Variants in SERPINE2 observed in about 807,000 individuals in gnomAD.
The protein encoded by SERPINE2 is serpin family E member 2.
SERPINE2 carries 14 observed loss-of-function variants against 36.3 expected under a neutral mutation model. That is an observed-to-expected ratio of 0.39 (90% CI 0.25 to 0.60). The LOEUF is 0.60. Ranked by LOEUF, SERPINE2 falls within the 20% of genes least tolerant of loss-of-function variation. SERPINE2 has a pLI of 0.57. For synonymous variants in SERPINE2, 192 were observed against 191.8 expected (o/e 1.00, Z -0.01); for missense variants, 418 against 499.6 (o/e 0.84, Z 1.56).
chr2:223,995,572 C>T (rs994595624), intron 3 of SERPINE2, among the ~76,000 whole-genome samples: 50 of 152,336 alleles, frequency 3.3e-4, no homozygotes, highest in African/African-American at 1.1e-3. Context: ...CCCAGAACCT[C>T]GTTCTTTTTC....
intron 3 of SERPINE2, among the ~76,000 whole-genome samples, chr2:223,996,192 T>C (rs1453268544): frequency 2.0e-5 from 3 of 152,122 alleles, no homozygotes; most frequent in Non-Finnish European, 4.4e-5. Flanking sequence ...TGGTTTAATA[T>C]TGCCATTCTA....
chr2:223,976,315 CA>C (rs1016561722), intron 8 of SERPINE2, among the ~76,000 whole-genome samples: 6 of 152,112 alleles, frequency 3.9e-5, no homozygotes, highest in Admixed American at 3.3e-4. Flanking sequence ...CACTGCCAGC[CA>C]ATTTTTTGTA....
intron 4 of SERPINE2, among the ~76,000 whole-genome samples, chr2:223,985,312 T>G (rs567607566): frequency 6.6e-6 from 1 of 152,278 alleles, no homozygotes; most frequent in East Asian, 1.9e-4. Context: ...TTTTTTTTTT[T>G]TTTTAAATAA....
intron 3 of SERPINE2, among the ~76,000 whole-genome samples, chr2:223,995,793 G>A (rs895603273): frequency 3.9e-5 from 6 of 152,204 alleles, no homozygotes; most frequent in Admixed American, 1.3e-4. Flanking sequence ...ATGTTTATGA[G>A]TCACCAGGAC....
At chr2:223,996,009 ATG>A (rs1308543430) in intron 3 of SERPINE2, among the ~76,000 whole-genome samples, 1 of 152,218 alleles carries the variant, frequency 6.6e-6, no homozygotes, top group African/African-American at 2.4e-5. Context: ...GAGTAATATG[ATG>A]TATGAATTTC....
intron 1 of SERPINE2, chr2:224,031,411 A>G: frequency 2.0e-6 from 2 of 985,322 alleles, no homozygotes; most frequent in Non-Finnish European, 2.4e-6. Context: ...GGAAAACAGA[A>G]AGAAAGGCAG....
rs115534825 is a variant in SERPINE2, at chr2:224,012,319, C to T, written c.-22-10397G>A. 6.0e-3 allele frequency among the ~76,000 whole-genome samples: 918 copies of T among 152,230 alleles called. 8 individuals are homozygous for T. The highest frequency in any genetic ancestry group is 0.021 in the African/African-American group (864 of 41,538). ...TAAGGAACAGTTAATGACATCCATCCAACACAATATCCTTTGGCTGTTAAG... is the reference window on the plus strand; with the variant it reads ...TAAGGAACAGTTAATGACATCCATCTAACACAATATCCTTTGGCTGTTAAG... On this transcript the variant is annotated intron_variant, in intron 1 of 8. Coordinates refer to ENST00000409304, the MANE Select transcript of SERPINE2 (RefSeq NM_001136528.2).
chr2:223,996,148 G>A (rs1436787205), intron 3 of SERPINE2, among the ~76,000 whole-genome samples: 2 of 152,132 alleles, frequency 1.3e-5, no homozygotes, highest in East Asian at 3.9e-4. Context: ...TTTTCTCCAG[G>A]TGCTCTGAAG....
chr2:224,038,525 T>C (rs1201265872), intron 1 of SERPINE2: 2 of 1,551,334 alleles, frequency 1.3e-6, no homozygotes, highest in Non-Finnish European at 1.7e-6. Flanking sequence ...CTCCCGTTTC[T>C]ACAGATGATG....
At chr2:223,985,367 A>G (rs1690386814) in intron 4 of SERPINE2, among the ~76,000 whole-genome samples, 1 of 151,592 alleles carries the variant, frequency 6.6e-6, no homozygotes, top group South Asian at 2.1e-4. Context: ...GTTATGGGAT[A>G]CATATAGATA....
At chr2:223,987,520 G>GTAT (rs1361881372) in intron 4 of SERPINE2, among the ~76,000 whole-genome samples, 8 of 152,156 alleles carry the variant, frequency 5.3e-5, no homozygotes, top group Non-Finnish European at 8.8e-5. Flanking sequence ...GGCAGACTGA[G>GTAT]TATTCTTTAA....
At position 223,998,346 on chromosome 2, in the gene SERPINE2, A is replaced by C. The variant is rs372326558; in HGVS notation, c.260-4T>G. 1.1e-5 allele frequency: 17 copies of C among 1,600,350 alleles called. No homozygotes were observed. The African/African-American group carries it at 1.7e-4, about 16-fold the overall frequency. On this transcript the variant is annotated splice_region_variant and splice_polypyrimidine_tract_variant and intron_variant, in intron 2 of 8. Coordinates refer to ENST00000409304, the MANE Select transcript of SERPINE2 (RefSeq NM_001136528.2). ...TTCTTTAATATTTTACCAACTCCTA[A>C]AAGAGAAATCAGAAGATACAGCAAT...
chr2:224,017,842 TGG>T lies in SERPINE2; in HGVS notation c.-22-15922_-22-15921del, dbSNP rs546670635. On this transcript the variant is annotated intron_variant, in intron 1 of 8. Transcript: ENST00000409304. Reference sequence around the variant, plus strand: ...ATTTACCACCATCATCACGAAGGCCTGGGGTCCTCTCTTCAGGCTTTGAAGGC... The same window carrying T: ...ATTTACCACCATCATCACGAAGGCCTGGTCCTCTCTTCAGGCTTTGAAGGC... Among the ~76,000 whole-genome samples, 49 of 152,338 alleles carry T rather than the reference TGG, an allele frequency of 3.2e-4. No individual in the cohort carries two copies. In the South Asian group the frequency reaches 6.2e-3, roughly 19 times the overall value.
intron 4 of SERPINE2, among the ~76,000 whole-genome samples, chr2:223,991,095 A>T (rs1407957799): frequency 1.3e-5 from 2 of 152,248 alleles, no homozygotes; most frequent in African/African-American, 4.8e-5. Context: ...AAAGAATTTT[A>T]CATAAGCGAG....
chr2:224,030,306 A>G, intron 1 of SERPINE2: 1 of 817,660 alleles, frequency 1.2e-6, no homozygotes. Flanking sequence ...AAAGACACAG[A>G]GCAAGTCACT....
chr2:224,026,841 GA>G (rs1391117410), intron 1 of SERPINE2, among the ~76,000 whole-genome samples: 2 of 152,164 alleles, frequency 1.3e-5, no homozygotes, highest in Non-Finnish European at 2.9e-5. Context: ...AGTTGTCCAT[GA>G]AAACTTTTGT....
At chr2:224,031,181 A>G in intron 1 of SERPINE2, 2 of 985,456 alleles carry the variant, frequency 2.0e-6, no homozygotes, top group South Asian at 9.4e-5. Context: ...ACCCGGGTCC[A>G]GGCTCTGGCA....
chr2:224,005,477 T>C (rs979044594), intron 1 of SERPINE2, among the ~76,000 whole-genome samples: 1 of 152,162 alleles, frequency 6.6e-6, no homozygotes, highest in Non-Finnish European at 1.5e-5. Context: ...ACCTGGCTTA[T>C]ATACGTGTCT....
At chr2:223,990,043 A>G (rs549416309) in intron 4 of SERPINE2, among the ~76,000 whole-genome samples, 1 of 152,238 alleles carries the variant, frequency 6.6e-6, no homozygotes, top group Admixed American at 6.5e-5. Context: ...CCCTGGCAGA[A>G]GCTGAAACCT....
Sources: allele counts gnomAD v4.1 joint callset (sites outside exome capture counted in the v4.1 genomes callset), GRCh38; gene constraint gnomAD v4.1.1; transcripts MANE v1.5; gene names NCBI Gene and HGNC (gene_info 2026-07-23, HGNC 2026-07-21).